Variants in ADGRV1 observed in about 807,000 individuals in gnomAD.
The protein encoded by ADGRV1 is adhesion G protein-coupled receptor V1, also known as G-protein coupled receptor 98.
A neutral mutation model predicts 596.2 loss-of-function variants in ADGRV1; 359 were observed. The observed-to-expected ratio is 0.60, with a 90% CI of 0.55 to 0.66. The LOEUF is 0.66. Among genes scored for constraint, ADGRV1 ranks in the 30% least tolerant of loss-of-function variants. ADGRV1 has a pLI of 0.00. For missense variants in ADGRV1, 7,274 were observed against 7,575.6 expected (o/e 0.96, Z 1.48); for synonymous variants, 2,681 against 2,679.2 (o/e 1.00, Z -0.02).
intron 78 of ADGRV1, among the ~76,000 whole-genome samples, chr5:90,842,623 C>A (rs1581287916): frequency 6.6e-6 from 1 of 152,090 alleles, no homozygotes; most frequent in Non-Finnish European, 1.5e-5. Context: ...GAGGCTGAGG[C>A]AGGAGAATCG....
intron 27 of ADGRV1, among the ~76,000 whole-genome samples, chr5:90,682,877 A>G (rs1358194960): frequency 2.6e-5 from 4 of 152,144 alleles, no homozygotes; most frequent in Non-Finnish European, 5.9e-5. Flanking sequence ...TCTTAAATGT[A>G]TTTTCTTATA....
At chr5:90,570,347 C>T (rs1561305049) in intron 1 of ADGRV1, among the ~76,000 whole-genome samples, 1 of 152,034 alleles carries the variant, frequency 6.6e-6, no homozygotes, top group Non-Finnish European at 1.5e-5. Flanking sequence ...CTTCCTCTTT[C>T]GTGATTCTCT....
chr5:90,597,387 T>A (rs1457022938), intron 1 of ADGRV1, among the ~76,000 whole-genome samples: 2 of 152,260 alleles, frequency 1.3e-5, no homozygotes, highest in Non-Finnish European at 2.9e-5. Context: ...AGTAAGTATT[T>A]TGAATATTTA....
chr5:90,760,146 C>A (rs113072800), intron 58 of ADGRV1, among the ~76,000 whole-genome samples: 7,095 of 151,064 alleles, frequency 0.047, 258 homozygotes, highest in African/African-American at 0.11. Context: ...TGTGGTGGCG[C>A]ATGCTTGTAG....
rs745712471 is a variant in ADGRV1 at position 90,848,707 on chromosome 5, C to T, written c.17090C>T (p.Ser5697Phe). The change falls in exon 79 of 90, where the codon TCT becomes TTT. Residue 5697 changes from serine to phenylalanine, a missense_variant. Ser to Phe is a radical substitution (Grantham distance 155, BLOSUM62 -2). Coordinates refer to ENST00000405460, the MANE Select transcript of ADGRV1 (RefSeq NM_032119.4). ...SRTLFYEILC[S>F]LINPKRKDTR... ...ACTCTTTTCTATGAGATTCTTTGTT[C>T]TCTTATTAACCCAAAGCGCAAGGAC... The T allele has an allele frequency of 9.5e-6, 15 of 1,584,522 alleles. No individual in the cohort carries two copies. The highest frequency in any genetic ancestry group is 1.3e-5 in the Non-Finnish European group (15 of 1,168,410).
chr5:90,757,941 T>C (rs534580299), intron 57 of ADGRV1, among the ~76,000 whole-genome samples: 234 of 152,296 alleles, frequency 1.5e-3, no homozygotes, highest in African/African-American at 5.2e-3. Flanking sequence ...CGGTAGTAAA[T>C]GCTGTTAAAA....
chr5:91,160,735 A>G (rs76667785), intron 89 of ADGRV1, among the ~76,000 whole-genome samples: 20 of 152,086 alleles, frequency 1.3e-4, no homozygotes, highest in African/African-American at 4.3e-4. Context: ...TTGCAAAGGG[A>G]TGGGAGACCT....
intron 86 of ADGRV1, among the ~76,000 whole-genome samples, chr5:91,090,625 A>C (rs1483969530): frequency 6.6e-6 from 1 of 151,720 alleles, no homozygotes; most frequent in African/African-American, 2.4e-5. Context: ...CTCTGCCTGC[A>C]GATCTAGTGT....
chr5:90,909,513 T>C (rs1442119672), intron 83 of ADGRV1, among the ~76,000 whole-genome samples: 1 of 152,054 alleles, frequency 6.6e-6, no homozygotes, highest in African/African-American at 2.4e-5. Context: ...ACCAGACAAA[T>C]TGGAGTCCTG....
chr5:90,642,963 C>T lies in ADGRV1; in HGVS notation c.2475C>T (p.Asn825=). The part of the protein sequence containing the change: ...EPRDSNEFYG[N]TGVLEFKPGE... ...GAGATAGCAATGAATTCTATGGAAA[C>T]ACGGGAGTACTAGAATTTAAACCTG... Residue 825 remains asparagine (N), a synonymous_variant, in exon 13 of 90, where the codon AAC becomes AAT. Transcript: ENST00000405460. 1 of 1,613,556 alleles carries T rather than the reference C, an allele frequency of 6.2e-7. No homozygotes were observed. Among genetic ancestry groups the T allele is most frequent in the Non-Finnish European group, 8.5e-7 (1 of 1,179,596 alleles).
chr5:90,564,624 TA>T (rs1435513958), intron 1 of ADGRV1, among the ~76,000 whole-genome samples: 19,088 of 32,164 alleles, frequency 0.59, 6,765 homozygotes, highest in Non-Finnish European at 0.68. Context: ...TATATATATA[TA>T]TTTTTTTTTT....
intron 31 of ADGRV1, among the ~76,000 whole-genome samples, chr5:90,692,296 A>G (rs966434330): frequency 5.3e-5 from 8 of 152,190 alleles, no homozygotes; most frequent in East Asian, 3.8e-4. Context: ...TAAAAGTACT[A>G]TTATTGAAAT....
chr5:90,587,107 A>G (rs1042839104), intron 1 of ADGRV1, among the ~76,000 whole-genome samples: 2 of 152,172 alleles, frequency 1.3e-5, no homozygotes, highest in African/African-American at 4.8e-5. Context: ...ATCCCTATGA[A>G]CATATGGATT....
intron 1 of ADGRV1, among the ~76,000 whole-genome samples, chr5:90,599,969 T>C (rs152715): frequency 0.14 from 21,946 of 152,108 alleles, 1,883 homozygotes; most frequent in East Asian, 0.4. Flanking sequence ...CTGTGGAAAA[T>C]TGTTAATTGA....
intron 59 of ADGRV1, among the ~76,000 whole-genome samples, chr5:90,764,335 C>T (rs1044706455): frequency 6.6e-6 from 1 of 152,234 alleles, no homozygotes; most frequent in Non-Finnish European, 1.5e-5. Flanking sequence ...GACACTGCTG[C>T]TCTGTCTAAA....
chr5:91,050,495 T>C (rs1047860866), intron 85 of ADGRV1, among the ~76,000 whole-genome samples: 1 of 152,242 alleles, frequency 6.6e-6, no homozygotes, highest in Admixed American at 6.5e-5. Flanking sequence ...TGCATTTTCA[T>C]ATTTTCTGTA....
intron 21 of ADGRV1, among the ~76,000 whole-genome samples, chr5:90,662,200 T>TTC (rs1770427525): frequency 1.3e-5 from 2 of 148,668 alleles, no homozygotes; most frequent in Non-Finnish European, 3.0e-5. Context: ...TTTTTTTTTT[T>TTC]TTTTTTTGAG....
intron 83 of ADGRV1, among the ~76,000 whole-genome samples, chr5:90,928,678 A>G (rs562752440): frequency 4.3e-4 from 64 of 149,926 alleles, no homozygotes; most frequent in African/African-American, 6.6e-4. Context: ...CTGGTGAGGA[A>G]CTGCGTTCCT....
At chr5:90,743,382 G>A (rs961149633) in intron 50 of ADGRV1, among the ~76,000 whole-genome samples, 1 of 151,688 alleles carries the variant, frequency 6.6e-6, no homozygotes, top group Non-Finnish European at 1.5e-5. Context: ...GGGGCTTTCC[G>A]TTGTAACCTA....
Sources: allele counts gnomAD v4.1 joint callset (sites outside exome capture counted in the v4.1 genomes callset), GRCh38; gene constraint gnomAD v4.1.1; transcripts MANE v1.5; gene names NCBI Gene and HGNC (gene_info 2026-07-23, HGNC 2026-07-21).